Variants in CWF19L2 observed in about 807,000 individuals in gnomAD.
CWF19L2 encodes CWF19-like protein 2.
A neutral mutation model predicts 111.7 loss-of-function variants in CWF19L2; 98 were observed. The ratio of observed to expected loss-of-function variants is 0.88; its 90% CI spans 0.75 to 1.04. CWF19L2 has a LOEUF of 1.04. CWF19L2 is among the 50% of genes least tolerant of loss of function. CWF19L2 has a pLI of 0.00. For synonymous variants in CWF19L2, 351 were observed against 342.9 expected, an observed-to-expected ratio of 1.02 and a Z score of -0.26; for missense variants, 1,101 against 1,051.4, an observed-to-expected ratio of 1.05 and a Z score of -0.65.
chr11:107,362,208 G>A (rs1565253720), intron 12 of CWF19L2, among the ~76,000 whole-genome samples: 1 of 151,532 alleles, frequency 6.6e-6, no homozygotes, highest in Non-Finnish European at 1.5e-5. Flanking sequence ...TACCACAGCA[G>A]CTGAGATCAA....
chr11:107,436,768 A>G (rs1455173077), intron 6 of CWF19L2, among the ~76,000 whole-genome samples: 1 of 152,210 alleles, frequency 6.6e-6, no homozygotes, highest in Non-Finnish European at 1.5e-5. Context: ...TAGAGTAACT[A>G]ATGCTGGACT....
chr11:107,406,620 A>T (rs1449882483), intron 10 of CWF19L2, among the ~76,000 whole-genome samples: 1 of 151,820 alleles, frequency 6.6e-6, no homozygotes, highest in African/African-American at 2.4e-5. Flanking sequence ...CCCTTTTAAA[A>T]ATGTTTTTAA....
intron 10 of CWF19L2, among the ~76,000 whole-genome samples, chr11:107,415,456 C>T (rs1039626678): frequency 3.9e-5 from 6 of 152,150 alleles, no homozygotes; most frequent in African/African-American, 1.4e-4. Flanking sequence ...TCCCTCCCTA[C>T]CCAAATGAAA....
intron 12 of CWF19L2, among the ~76,000 whole-genome samples, chr11:107,381,731 T>C (rs917210243): frequency 2.0e-5 from 3 of 152,174 alleles, no homozygotes; most frequent in African/African-American, 4.8e-5. Flanking sequence ...AGTAGTTTAC[T>C]GAGAATAAAA....
chr11:107,440,064 G>A (rs1476227564), intron 5 of CWF19L2, among the ~76,000 whole-genome samples: 5 of 152,114 alleles, frequency 3.3e-5, no homozygotes, highest in African/African-American at 1.2e-4. Flanking sequence ...TGTGTGACGC[G>A]GCCATGGTCC....
chr11:107,336,454 G>T, intron 15 of CWF19L2, 104 bp downstream of exon 15: 2 of 907,534 alleles, frequency 2.2e-6, no homozygotes, highest in Non-Finnish European at 3.3e-6. Flanking sequence ...TATAAATTTT[G>T]ATGTAAGTAT....
At chr11:107,381,493 AC>A (rs768571896) in intron 12 of CWF19L2, among the ~76,000 whole-genome samples, 8 of 152,212 alleles carry the variant, frequency 5.3e-5, no homozygotes, top group Non-Finnish European at 1.2e-4. Flanking sequence ...TTTATGACAT[AC>A]AAATTTCAAA....
At chr11:107,386,984 G>A (rs1860775790) in intron 12 of CWF19L2, among the ~76,000 whole-genome samples, 1 of 151,846 alleles carries the variant, frequency 6.6e-6, no homozygotes. Context: ...AACCCAGAAG[G>A]CGGAGGTTGC....
chr11:107,431,291 T>C (rs866766630), intron 7 of CWF19L2, among the ~76,000 whole-genome samples: 5 of 151,854 alleles, frequency 3.3e-5, no homozygotes, highest in African/African-American at 9.7e-5. Flanking sequence ...ATAATAAAAG[T>C]TTAAAGAATT....
intron 3 of CWF19L2, among the ~76,000 whole-genome samples, chr11:107,446,147 T>A (rs1255761679): frequency 6.6e-6 from 1 of 152,184 alleles, no homozygotes; most frequent in Non-Finnish European, 1.5e-5. Context: ...ATTCTGAGAT[T>A]TTCTAATAAA....
In CWF19L2 at chr11:107,428,964, T is replaced by C. The variant is rs746525390; in HGVS notation, c.1268A>G (p.Asp423Gly). ...EERLTSWSRS[D>G]GRGDKKHSNQ... ...TGAATGTTTCTTGTCTCCTCTCCCA[T>C]CAGAGCGACTCCATGATGTTAATCT... The change falls in exon 8 of 18, where the codon GAT (aspartate) becomes GGT (glycine). Residue 423 changes from aspartate to glycine, a missense_variant. Transcript: ENST00000282251. 38 of 1,613,578 alleles carry C rather than the reference T, an allele frequency of 2.4e-5. No individual in the cohort carries two copies. Among genetic ancestry groups the C allele is most frequent in the Non-Finnish European group, 3.0e-5 (35 of 1,179,776 alleles).
At chr11:107,375,261 C>A (rs375464739) in intron 12 of CWF19L2, among the ~76,000 whole-genome samples, 1 of 129,964 alleles carries the variant, frequency 7.7e-6, no homozygotes, top group Non-Finnish European at 1.6e-5. Flanking sequence ...CAGCTCTGCA[C>A]CAAGCGGACC....
chr11:107,427,640 A>AT (rs749977290), intron 8 of CWF19L2, among the ~76,000 whole-genome samples: 3 of 152,154 alleles, frequency 2.0e-5, no homozygotes, highest in Admixed American at 6.6e-5. Context: ...ATATCAGGAA[A>AT]TAAGAGCCTC....
At chr11:107,338,502 T>A (rs1416242668) in intron 14 of CWF19L2, among the ~76,000 whole-genome samples, 1 of 152,126 alleles carries the variant, frequency 6.6e-6, no homozygotes, top group Non-Finnish European at 1.5e-5. Context: ...GCACAGATCA[T>A]CCCGTTACCT....
chr11:107,378,680 G>C (rs983131750), intron 12 of CWF19L2, among the ~76,000 whole-genome samples: 23 of 152,112 alleles, frequency 1.5e-4, no homozygotes, highest in Non-Finnish European at 5.9e-5. Context: ...TGACGAGTTA[G>C]TGGGTGCAGC....
chr11:107,353,386 C>T (rs928935421), intron 13 of CWF19L2, 138 bp downstream of exon 13: 6 of 663,350 alleles, frequency 9.0e-6, no homozygotes, highest in Non-Finnish European at 1.5e-5. Flanking sequence ...TCTGTCTTCA[C>T]GGAGCTTAAA....
chr11:107,418,797 A>G (rs1206296273), intron 8 of CWF19L2, among the ~76,000 whole-genome samples: 1 of 152,208 alleles, frequency 6.6e-6, no homozygotes, highest in Admixed American at 6.5e-5. Context: ...CTAGTTTAAA[A>G]CTGGTATCAT....
intron 10 of CWF19L2, among the ~76,000 whole-genome samples, 153 bp from the exon 11 acceptor site, chr11:107,393,048 A>G (rs1045645614): frequency 6.6e-6 from 1 of 152,190 alleles, no homozygotes; most frequent in African/African-American, 2.4e-5. Flanking sequence ...TCTCTATACT[A>G]TAAAATGAAC....
intron 12 of CWF19L2, among the ~76,000 whole-genome samples, chr11:107,355,415 CAAA>C (rs5794543): frequency 0.55 from 77,471 of 141,480 alleles, 22,139 homozygotes; most frequent in African/African-American, 0.78. Context: ...AACTCCGTCT[CAAA>C]AAAAAAAAAA....
Sources: gnomAD v4.1 joint callset for allele counts (sites outside exome capture counted in the v4.1 genomes callset) on GRCh38, gnomAD v4.1.1 for gene constraint, MANE v1.5 for transcripts, NCBI Gene and HGNC (gene_info 2026-07-23, HGNC 2026-07-21) for gene names.